ASTN2: variants seen among roughly 807,000 people sequenced by gnomAD.
ASTN2 encodes the protein astrotactin-2.
Under a neutral mutation model 139.8 loss-of-function variants are expected in ASTN2, and 54 were observed. The ratio of observed to expected loss-of-function variants is 0.39; its 90% confidence interval spans 0.31 to 0.48. The LOEUF is 0.48. ASTN2 is among the 20% of genes least tolerant of loss of function. The pLI, the probability that ASTN2 is intolerant of heterozygous loss-of-function variation, is 0.95. For synonymous variants in ASTN2, 756 were observed against 719.5 expected (o/e 1.05, Z -0.81); for missense variants, 1,565 against 1,725.1 (o/e 0.91, Z 1.64).
intron 16 of ASTN2, among the ~76,000 whole-genome samples, chr9:116,670,760 C>T (rs1030618943): frequency 6.6e-6 from 1 of 152,066 alleles, no homozygotes; most frequent in Non-Finnish European, 1.5e-5. Flanking sequence ...TTCCCAGCAG[C>T]CTTCATTTAG....
At chr9:117,129,942 G>T (rs1829789220) in intron 4 of ASTN2, among the ~76,000 whole-genome samples, 1 of 151,598 alleles carries the variant, frequency 6.6e-6, no homozygotes, top group African/African-American at 2.4e-5. Context: ...CTTTCCCTCT[G>T]TCAAACTTTG....
At chr9:116,995,696 T>C (rs1364612062) in intron 7 of ASTN2, among the ~76,000 whole-genome samples, 1 of 152,226 alleles carries the variant, frequency 6.6e-6, no homozygotes, top group Non-Finnish European at 1.5e-5. Context: ...GTTTCAAATC[T>C]AGACACCATC....
At position 117,329,113 on chromosome 9, in the gene ASTN2, G is replaced by C. The variant is rs377153069; in HGVS notation, c.443-37600C>G. Among the ~76,000 whole-genome samples, 9 of 148,758 alleles carry C rather than the reference G, an allele frequency of 6.1e-5. No homozygotes were observed. The East Asian group carries it at 1.6e-3, about 27-fold the overall frequency. On this transcript the variant is annotated intron_variant, in intron 1 of 22. Coordinates refer to ENST00000313400, the MANE Select transcript of ASTN2 (RefSeq NM_001365068.1). ...TGACATTCCCCAACAGGTCAGGGAA[G>C]ACTTCTAGGAAGCAGCTGTTGCACC...
chr9:116,588,978 G>C (rs36080295), intron 19 of ASTN2, among the ~76,000 whole-genome samples: 1 of 152,084 alleles, frequency 6.6e-6, no homozygotes, highest in African/African-American at 2.4e-5. Flanking sequence ...TTGACTTGGG[G>C]AGGAAGATTT....
intron 17 of ASTN2, among the ~76,000 whole-genome samples, chr9:116,640,854 CTA>C (rs927442604): frequency 1.2e-4 from 18 of 152,192 alleles, no homozygotes; most frequent in African/African-American, 4.1e-4. Context: ...AGACAGGAGA[CTA>C]TTGAAATAGT....
chr9:117,339,991 G>C (rs1667307648), intron 1 of ASTN2, among the ~76,000 whole-genome samples: 1 of 151,762 alleles, frequency 6.6e-6, no homozygotes, highest in South Asian at 2.1e-4. Flanking sequence ...TTGAGGAAAA[G>C]GCATGGCCCA....
At chr9:116,989,194 A>G (rs1836772024) in intron 7 of ASTN2, among the ~76,000 whole-genome samples, 1 of 152,180 alleles carries the variant, frequency 6.6e-6, no homozygotes, top group Non-Finnish European at 1.5e-5. Flanking sequence ...CCATTTATAC[A>G]ATTATAGCAA....
intron 3 of ASTN2, among the ~76,000 whole-genome samples, chr9:117,189,439 A>G (rs1025905219): frequency 1.3e-5 from 2 of 152,100 alleles, no homozygotes; most frequent in Non-Finnish European, 2.9e-5. Context: ...ATTCCCCACA[A>G]ACGCTGCATC....
chr9:116,781,459 TG>T (rs1830216717), intron 13 of ASTN2, among the ~76,000 whole-genome samples: 1 of 152,074 alleles, frequency 6.6e-6, no homozygotes. Context: ...AACTCAGACC[TG>T]GGGGGCAAAT....
intron 17 of ASTN2, among the ~76,000 whole-genome samples, chr9:116,647,896 T>C (rs1857682650): frequency 6.6e-6 from 1 of 152,202 alleles, no homozygotes; most frequent in Non-Finnish European, 1.5e-5. Flanking sequence ...CACTGAAGCC[T>C]TGACCTCCTC....
chr9:116,686,026 G>A (rs1159014954), intron 16 of ASTN2, among the ~76,000 whole-genome samples: 2 of 151,940 alleles, frequency 1.3e-5, no homozygotes, highest in African/African-American at 4.8e-5. Context: ...GAAATCATTT[G>A]GCATTACCTC....
chr9:116,523,617 GC>G (rs1850971789), intron 19 of ASTN2, among the ~76,000 whole-genome samples: 1 of 152,070 alleles, frequency 6.6e-6, no homozygotes, highest in African/African-American at 2.4e-5. Flanking sequence ...TCTAAAGTAG[GC>G]CCTAAATAAT....
intron 3 of ASTN2, among the ~76,000 whole-genome samples, chr9:117,212,784 TAAC>T (rs1300477343): frequency 3.9e-5 from 6 of 152,136 alleles, no homozygotes; most frequent in African/African-American, 1.2e-4. Context: ...AAGTCAAAAA[TAAC>T]AAATGCTGGT....
chr9:116,742,792 A>T (rs1001872608), intron 13 of ASTN2, among the ~76,000 whole-genome samples: 1 of 152,174 alleles, frequency 6.6e-6, no homozygotes, highest in Admixed American at 6.5e-5. Flanking sequence ...ATATAAAATT[A>T]AAAATAAAAA....
At chr9:117,048,925 A>G (rs552172454) in intron 5 of ASTN2, among the ~76,000 whole-genome samples, 1 of 148,326 alleles carries the variant, frequency 6.7e-6, no homozygotes, top group South Asian at 2.1e-4. Flanking sequence ...ATATGAAAAC[A>G]GAAATAGAAT....
At chr9:116,684,835 A>T (rs1017156993) in intron 16 of ASTN2, among the ~76,000 whole-genome samples, 1 of 152,232 alleles carries the variant, frequency 6.6e-6, no homozygotes, top group African/African-American at 2.4e-5. Context: ...CAAAATTATG[A>T]TTGAGACAGT....
intron 1 of ASTN2, among the ~76,000 whole-genome samples, chr9:117,386,500 T>G (rs1021845795): frequency 1.2e-4 from 18 of 151,992 alleles, no homozygotes; most frequent in African/African-American, 4.3e-4. Context: ...TTAATACACC[T>G]CAGGAGCCAC....
At chr9:117,313,810 C>T (rs1030460874) in intron 1 of ASTN2, among the ~76,000 whole-genome samples, 2 of 152,136 alleles carry the variant, frequency 1.3e-5, no homozygotes, top group Non-Finnish European at 2.9e-5. Context: ...AATTTCACTG[C>T]CTCAAGGAAA....
chr9:117,085,512 C>G (rs1828538468), intron 5 of ASTN2, among the ~76,000 whole-genome samples: 1 of 152,216 alleles, frequency 6.6e-6, no homozygotes. Flanking sequence ...GGTCCCTGCA[C>G]AGCACTGGAA....
Sources: gnomAD v4.1 joint callset for allele counts (sites outside exome capture counted in the v4.1 genomes callset) on GRCh38, gnomAD v4.1.1 for gene constraint, MANE v1.5 for transcripts, NCBI Gene and HGNC (gene_info 2026-07-23, HGNC 2026-07-21) for gene names.